RBFOX1: variants seen among roughly 807,000 people sequenced by gnomAD.
RBFOX1 encodes the protein RNA binding fox-1 homolog 1.
RBFOX1 carries 8 observed loss-of-function variants against 57.7 expected under a neutral mutation model. That is an observed-to-expected ratio of 0.14 (90% CI 0.08 to 0.25). The LOEUF is 0.25. Among genes scored for constraint, RBFOX1 ranks in the 10% least tolerant of loss-of-function variants. RBFOX1 has a pLI of 1.00. For missense variants in RBFOX1, 611 were observed against 548.5 expected, an observed-to-expected ratio of 1.11 and a Z score of -1.14; for synonymous variants, 326 against 222.4, an observed-to-expected ratio of 1.47 and a Z score of -4.15.
chr16:7,622,823 C>G (rs1345832644), intron 10 of RBFOX1, among the ~76,000 whole-genome samples: 11 of 152,060 alleles, frequency 7.2e-5, no homozygotes, highest in African/African-American at 2.4e-4. Context: ...TGGAAATATC[C>G]CTATACTTAA....
intron 3 of RBFOX1, among the ~76,000 whole-genome samples, chr16:5,715,537 T>C (rs535614357): frequency 4.0e-4 from 61 of 152,384 alleles, no homozygotes; most frequent in African/African-American, 1.4e-3. Flanking sequence ...TCCAGTTGAC[T>C]GATCTCTCTC....
chr16:5,716,109 C>G (rs989675331), intron 3 of RBFOX1, among the ~76,000 whole-genome samples: 2 of 152,218 alleles, frequency 1.3e-5, no homozygotes, highest in Non-Finnish European at 2.9e-5. Flanking sequence ...GATTCCATTT[C>G]ACATTTCACA....
intron 2 of RBFOX1, among the ~76,000 whole-genome samples, chr16:6,564,020 C>T (rs1282170957): frequency 1.3e-5 from 2 of 152,074 alleles, no homozygotes; most frequent in African/African-American, 4.8e-5. Context: ...CATGTTGTTT[C>T]TGCTTCTTCC....
At chr16:5,261,236 C>T (rs2062723882) in intron 1 of RBFOX1, among the ~76,000 whole-genome samples, 1 of 152,160 alleles carries the variant, frequency 6.6e-6, no homozygotes, top group African/African-American at 2.4e-5. Context: ...AGGTTGACCA[C>T]CTTTTCTTTC....
intron 2 of RBFOX1, among the ~76,000 whole-genome samples, chr16:6,600,288 T>C (rs1470769774): frequency 6.6e-6 from 1 of 152,130 alleles, no homozygotes; most frequent in African/African-American, 2.4e-5. Context: ...CCTACCTGGT[T>C]CTCTCTCCTC....
intron 3 of RBFOX1, among the ~76,000 whole-genome samples, chr16:6,844,438 C>G (rs556255114): frequency 6.6e-6 from 1 of 152,316 alleles, no homozygotes; most frequent in Admixed American, 6.5e-5. Context: ...TAAGTAAGAA[C>G]ATGTGGTGTT....
At chr16:5,749,336 T>C (rs1351710484) in intron 3 of RBFOX1, among the ~76,000 whole-genome samples, 1 of 152,208 alleles carries the variant, frequency 6.6e-6, no homozygotes, top group African/African-American at 2.4e-5. Context: ...TCTGACAATT[T>C]ATTTGTCTTG....
intron 1 of RBFOX1, among the ~76,000 whole-genome samples, chr16:5,262,186 G>T (rs973525443): frequency 6.6e-6 from 1 of 152,200 alleles, no homozygotes; most frequent in African/African-American, 2.4e-5. Context: ...GAAGGATTTG[G>T]ACATGCAGTA....
At chr16:5,279,728 C>G (rs1331610117) in intron 1 of RBFOX1, among the ~76,000 whole-genome samples, 1 of 152,138 alleles carries the variant, frequency 6.6e-6, no homozygotes, top group Non-Finnish European at 1.5e-5. Context: ...TCTCAAACTC[C>G]CAACCTCAGG....
At chr16:6,287,726 T>C (rs923328814) in intron 1 of RBFOX1, among the ~76,000 whole-genome samples, 4 of 152,302 alleles carry the variant, frequency 2.6e-5, no homozygotes, top group Non-Finnish European at 5.9e-5. Flanking sequence ...GTGATACATA[T>C]GAAATGGCAT....
At chr16:6,417,682 G>GTC (rs2093662330) in intron 2 of RBFOX1, among the ~76,000 whole-genome samples, 1 of 144,368 alleles carries the variant, frequency 6.9e-6, no homozygotes, top group Non-Finnish European at 1.5e-5. Flanking sequence ...GAGCCACCAT[G>GTC]TCTGGCCTTA....
chr16:5,897,015 GCTTTTTTTT>G (rs1159642707), intron 4 of RBFOX1, among the ~76,000 whole-genome samples: 38 of 80,918 alleles, frequency 4.7e-4, no homozygotes, highest in Admixed American at 1.8e-3. Flanking sequence ...GTATCCATCC[GCTTTTTTTT>G]TTTTTTTTTT....
intron 3 of RBFOX1, among the ~76,000 whole-genome samples, chr16:7,032,217 G>C (rs2042983830): frequency 6.6e-6 from 1 of 152,054 alleles, no homozygotes; most frequent in African/African-American, 2.4e-5. Flanking sequence ...TTGAGGTCAG[G>C]AGTTCGAGAC....
chr16:6,839,679 T>G (rs1260098453), intron 3 of RBFOX1, among the ~76,000 whole-genome samples: 2 of 152,196 alleles, frequency 1.3e-5, no homozygotes, highest in African/African-American at 2.4e-5. Flanking sequence ...TATTTTTAAT[T>G]AAGATGCTGT....
chr16:5,971,787 G>T (rs559410106), intron 4 of RBFOX1, among the ~76,000 whole-genome samples: 3 of 152,182 alleles, frequency 2.0e-5, no homozygotes, highest in Non-Finnish European at 4.4e-5. Flanking sequence ...CTAGGCCATG[G>T]GGTGCCCAGA....
chr16:7,150,940 C>G (rs2075990472), intron 4 of RBFOX1, among the ~76,000 whole-genome samples: 1 of 152,168 alleles, frequency 6.6e-6, no homozygotes, highest in South Asian at 2.1e-4. Context: ...ACCTTAATTT[C>G]TGAGCTGATT....
intron 3 of RBFOX1, among the ~76,000 whole-genome samples, chr16:5,709,809 T>TCATATATATATATA (rs1555506306): frequency 3.5e-4 from 5 of 14,460 alleles, no homozygotes; most frequent in Non-Finnish European, 6.9e-4. Flanking sequence ...ATCAGTTTCT[T>TCATATATATATATA]TATATATATA....
chr16:7,029,537 C>G (rs1238539086), intron 3 of RBFOX1, among the ~76,000 whole-genome samples: 2 of 152,036 alleles, frequency 1.3e-5, no homozygotes, highest in Admixed American at 6.5e-5. Flanking sequence ...CTTAAGAAAT[C>G]TAATATTTTA....
chr16:7,529,096 A>T (rs186536766), intron 5 of RBFOX1, among the ~76,000 whole-genome samples: 1 of 152,206 alleles, frequency 6.6e-6, no homozygotes, highest in Admixed American at 6.5e-5. Flanking sequence ...CTGTCTCGAC[A>T]CAAAAAGTAC....
Sources: allele counts gnomAD v4.1 joint callset (sites outside exome capture counted in the v4.1 genomes callset), GRCh38; gene constraint gnomAD v4.1.1; transcripts MANE v1.5; gene names NCBI Gene and HGNC (gene_info 2026-07-23, HGNC 2026-07-21).